Variants in CSMD1 observed in about 807,000 individuals in gnomAD.
CSMD1 encodes the protein CUB and sushi domain-containing protein 1.
CSMD1 carries 213 observed loss-of-function variants against 417.5 expected under a neutral mutation model. The ratio of observed to expected loss-of-function variants is 0.51; its 90% CI spans 0.46 to 0.57. CSMD1 has a LOEUF of 0.57. Among genes scored for constraint, CSMD1 ranks in the 20% least tolerant of loss-of-function variants. The pLI is 0.00. For missense variants in CSMD1, 6,923 were observed against 4,529.7 expected (o/e 1.53, Z -15.17); for synonymous variants, 2,862 against 1,736.8 (o/e 1.65, Z -16.11).
chr8:4,271,615 C>G (rs996160372), intron 3 of CSMD1, among the ~76,000 whole-genome samples: 5 of 151,052 alleles, frequency 3.3e-5, no homozygotes, highest in Admixed American at 6.6e-5. Flanking sequence ...AGAATTAGCT[C>G]TTTTGCAGCA....
intron 37 of CSMD1, among the ~76,000 whole-genome samples, chr8:3,179,861 A>G (rs564199966): frequency 6.6e-6 from 1 of 152,352 alleles, no homozygotes; most frequent in East Asian, 1.9e-4. Flanking sequence ...TCCTCTTCAT[A>G]TAAATTGAAA....
chr8:3,180,368 C>T (rs567190987), intron 37 of CSMD1, among the ~76,000 whole-genome samples: 1 of 152,268 alleles, frequency 6.6e-6, no homozygotes, highest in South Asian at 2.1e-4. Context: ...CAGCTCTCTA[C>T]TCGTTCTTAT....
At chr8:3,352,088 G>T (rs891875872) in intron 21 of CSMD1, among the ~76,000 whole-genome samples, 5 of 152,092 alleles carry the variant, frequency 3.3e-5, no homozygotes, top group African/African-American at 4.8e-5. Context: ...AGGGCCTAGT[G>T]CTTCATGAGT....
chr8:3,414,911 G>T (rs1286340168), intron 12 of CSMD1, among the ~76,000 whole-genome samples: 1 of 152,016 alleles, frequency 6.6e-6, no homozygotes. Flanking sequence ...CGTGTCTCTA[G>T]CACCACTCTC....
intron 50 of CSMD1, among the ~76,000 whole-genome samples, chr8:3,049,960 C>T (rs148871361): frequency 4.6e-5 from 7 of 152,090 alleles, no homozygotes; most frequent in African/African-American, 1.4e-4. Context: ...AACAAAGAAA[C>T]GAAAGCTCTG....
In CSMD1 at chr8:2,993,724, G is replaced by A. The variant is rs113828994; in HGVS notation, c.8377+4287C>T. On this transcript the variant is annotated intron_variant, in intron 54 of 69. Transcript: ENST00000635120. ...GTTTCTAATGTTTTAAAAGACGAGC[G>A]TGGCTAAAGTTTTAGGACGTAGACT... 7.6e-3 allele frequency among the ~76,000 whole-genome samples: 1,158 copies of A among 152,222 alleles called. 6 individuals carry two copies. Among genetic ancestry groups the A allele is most frequent in the Middle Eastern group, 0.027 (8 of 294 alleles).
At chr8:4,144,889 A>G (rs1478591091) in intron 3 of CSMD1, among the ~76,000 whole-genome samples, 1 of 151,030 alleles carries the variant, frequency 6.6e-6, no homozygotes, top group Non-Finnish European at 1.5e-5. Context: ...ATAGAACTAA[A>G]AAATAGGCTT....
At chr8:3,988,203 T>C (rs1483460303) in intron 5 of CSMD1, among the ~76,000 whole-genome samples, 1 of 152,014 alleles carries the variant, frequency 6.6e-6, no homozygotes, top group Admixed American at 6.6e-5. Context: ...CCCTGGTGAG[T>C]CTGTGAATCC....
intron 18 of CSMD1, among the ~76,000 whole-genome samples, chr8:3,372,548 G>T (rs903312888): frequency 3.3e-5 from 5 of 152,150 alleles, no homozygotes; most frequent in Admixed American, 6.5e-5. Flanking sequence ...TGTCCTGAAG[G>T]TAGAGCCGGT....
At chr8:2,963,978 C>A (rs1455736398) in intron 59 of CSMD1, among the ~76,000 whole-genome samples, 1 of 152,182 alleles carries the variant, frequency 6.6e-6, no homozygotes, top group Non-Finnish European at 1.5e-5. Flanking sequence ...GAGAAGCAAG[C>A]ACGTGGTTGC....
At chr8:4,439,023 A>G (rs10093065) in intron 2 of CSMD1, among the ~76,000 whole-genome samples, 4,364 of 152,254 alleles carry the variant, frequency 0.029, 196 homozygotes, top group African/African-American at 0.098. Context: ...ACTGAATAAT[A>G]AACTATATTC....
chr8:4,719,186 G>A (rs547389580), intron 1 of CSMD1, among the ~76,000 whole-genome samples: 1 of 152,170 alleles, frequency 6.6e-6, no homozygotes, highest in Non-Finnish European at 1.5e-5. Flanking sequence ...TACACAGCTA[G>A]AGAAAGTGCA....
intron 26 of CSMD1, among the ~76,000 whole-genome samples, chr8:3,279,755 AG>A (rs1802588983): frequency 6.6e-6 from 1 of 152,114 alleles, no homozygotes; most frequent in African/African-American, 2.4e-5. Flanking sequence ...CCTTCTTTAG[AG>A]GGTGTTAGAA....
intron 3 of CSMD1, among the ~76,000 whole-genome samples, chr8:4,051,714 A>C (rs1335464796): frequency 6.6e-6 from 1 of 152,166 alleles, no homozygotes; most frequent in Non-Finnish European, 1.5e-5. Flanking sequence ...TCAACAGAGA[A>C]GGCAAGCAGG....
At chr8:3,925,055 G>C (rs911195634) in intron 5 of CSMD1, among the ~76,000 whole-genome samples, 1 of 152,146 alleles carries the variant, frequency 6.6e-6, no homozygotes, top group Non-Finnish European at 1.5e-5. Flanking sequence ...GTGGGTCTCT[G>C]CATCTGTTCT....
At chr8:4,757,488 C>T (rs925288589) in intron 1 of CSMD1, among the ~76,000 whole-genome samples, 5 of 152,050 alleles carry the variant, frequency 3.3e-5, no homozygotes, top group Admixed American at 1.3e-4. Context: ...TAATGAGTAC[C>T]GCAGCTAGGC....
chr8:3,171,727 T>G (rs909175138), intron 37 of CSMD1, among the ~76,000 whole-genome samples: 3 of 152,198 alleles, frequency 2.0e-5, no homozygotes, highest in Non-Finnish European at 4.4e-5. Flanking sequence ...ATAATCATAA[T>G]TTTCAAGTGA....
intron 47 of CSMD1, among the ~76,000 whole-genome samples, chr8:3,091,959 G>C (rs1203749616): frequency 6.6e-6 from 1 of 152,052 alleles, no homozygotes; most frequent in Non-Finnish European, 1.5e-5. Flanking sequence ...ATGTATTGTT[G>C]TTAGTATTTA....
At chr8:4,149,001 T>C (rs189749510) in intron 3 of CSMD1, among the ~76,000 whole-genome samples, 100 of 152,006 alleles carry the variant, frequency 6.6e-4, no homozygotes, top group Non-Finnish European at 1.1e-3. Context: ...TTCACTCTTG[T>C]TGCCCAGGCT....
Sources: gnomAD v4.1 joint callset for allele counts (sites outside exome capture counted in the v4.1 genomes callset) on GRCh38, gnomAD v4.1.1 for gene constraint, MANE v1.5 for transcripts, NCBI Gene and HGNC (gene_info 2026-07-23, HGNC 2026-07-21) for gene names.